SH3RF2: variants seen among roughly 807,000 people sequenced by gnomAD.
SH3RF2 encodes SH3 domain containing ring finger 2.
A neutral mutation model predicts 59.0 loss-of-function variants in SH3RF2; 43 were observed. That is an observed-to-expected ratio of 0.73 (90% CI 0.57 to 0.94). The LOEUF (loss-of-function observed/expected upper bound fraction) is 0.94, where lower values mean the gene tolerates loss of function less well. Ranked by LOEUF, SH3RF2 falls within the 40% of genes least tolerant of loss-of-function variation. SH3RF2 has a pLI of 0.00. For synonymous variants in SH3RF2, 391 were observed against 391.5 expected (o/e 1.00, Z 0.01); for missense variants, 930 against 940.1 (o/e 0.99, Z 0.14).
At chr5:146,058,401 G>A (rs1224301514) in intron 8 of SH3RF2, among the ~76,000 whole-genome samples, 4 of 152,046 alleles carry the variant, frequency 2.6e-5, no homozygotes, top group Non-Finnish European at 5.9e-5. Context: ...AACCCCACAG[G>A]GCCGTTAGTG....
intron 2 of SH3RF2, among the ~76,000 whole-genome samples, chr5:145,973,599 A>G (rs1356186247): frequency 1.3e-5 from 2 of 152,240 alleles, no homozygotes; most frequent in African/African-American, 2.4e-5. Flanking sequence ...CTATTATGCC[A>G]TAAAAATGAC....
intron 5 of SH3RF2, among the ~76,000 whole-genome samples, chr5:146,024,575 T>G (rs1037810653): frequency 6.6e-6 from 1 of 152,238 alleles, no homozygotes; most frequent in Non-Finnish European, 1.5e-5. Flanking sequence ...TCACATCTAC[T>G]CTTTCCTTTG....
intron 8 of SH3RF2, among the ~76,000 whole-genome samples, chr5:146,057,928 GTCTCTCTC>G (rs58826823): frequency 0.012 from 1,610 of 133,176 alleles, 19 homozygotes; most frequent in Non-Finnish European, 0.018. Context: ...GGCTGTTAGT[GTCTCTCTC>G]TCTCTCTCTC....
At chr5:146,064,784 G>GAAGGAAGGA (rs1763043422), downstream of SH3RF2, among the ~76,000 whole-genome samples, 1 of 37,654 alleles carries the variant, frequency 2.7e-5, no homozygotes, top group Admixed American at 2.7e-4. Context: ...GGAAAGGAAG[G>GAAGGAAGGA]AAGGAAGGAA....
intron 4 of SH3RF2, 33 bp downstream of exon 4, chr5:146,004,186 G>T (rs76930653): frequency 6.4e-7 from 1 of 1,552,662 alleles, no homozygotes; most frequent in Non-Finnish European, 8.9e-7. Context: ...TCTGATTTAC[G>T]CATACACAGA....
intron 2 of SH3RF2, among the ~76,000 whole-genome samples, chr5:145,993,508 T>A (rs1011367944): frequency 7.2e-5 from 11 of 152,232 alleles, no homozygotes; most frequent in Non-Finnish European, 1.5e-4. Flanking sequence ...TTTCCATACA[T>A]CTTCTGAAAT....
At chr5:145,944,762 C>G (rs1019647859) in intron 2 of SH3RF2, among the ~76,000 whole-genome samples, 2 of 152,174 alleles carry the variant, frequency 1.3e-5, no homozygotes, top group Admixed American at 6.5e-5. Flanking sequence ...CCTTTCTTCT[C>G]CCTTTTCTTG....
chr5:145,943,825 G>C (rs1465597072), intron 2 of SH3RF2, among the ~76,000 whole-genome samples: 1 of 152,158 alleles, frequency 6.6e-6, no homozygotes, highest in Non-Finnish European at 1.5e-5. Context: ...GGGGCATAAG[G>C]TTTTTCTTAC....
At chr5:146,048,169 G>T (rs1267456699) in intron 6 of SH3RF2, among the ~76,000 whole-genome samples, 1 of 152,078 alleles carries the variant, frequency 6.6e-6, no homozygotes, top group Non-Finnish European at 1.5e-5. Context: ...TTAAAAATTA[G>T]CCAGGAATGG....
chr5:145,971,559 T>C (rs1234019699), intron 2 of SH3RF2, among the ~76,000 whole-genome samples: 1 of 152,252 alleles, frequency 6.6e-6, no homozygotes, highest in Non-Finnish European at 1.5e-5. Context: ...AATACAGTGT[T>C]TATTCCTCAA....
chr5:145,971,196 T>C (rs192123938), intron 2 of SH3RF2, among the ~76,000 whole-genome samples: 207 of 152,338 alleles, frequency 1.4e-3, no homozygotes, highest in African/African-American at 4.6e-3. Context: ...CCGATGTCTG[T>C]TATATTTAAA....
intron 2 of SH3RF2, among the ~76,000 whole-genome samples, chr5:145,952,733 T>C (rs1758238788): frequency 6.6e-6 from 1 of 152,178 alleles, no homozygotes; most frequent in Admixed American, 6.5e-5. Context: ...TGAATGCTTA[T>C]AGATTATCTG....
rs751628879 is a variant in SH3RF2 at position 146,057,984 on chromosome 5, C to CTA, written c.1555+1783_1555+1784dup. Reference sequence around the variant, plus strand: ...TCTCTCTCTCTATCTATCTATCTATCTATATATATATATTTGATTTAAAAA... The same window carrying CTA: ...TCTCTCTCTCTATCTATCTATCTATCTATATATATATATATTTGATTTAAAAA... On this transcript the variant is annotated intron_variant, in intron 8 of 9. Transcript: ENST00000359120. 1.1e-3 allele frequency among the ~76,000 whole-genome samples: 159 copies of CTA among 145,818 alleles called. 2 individuals carry two copies. Among genetic ancestry groups the CTA allele is most frequent in the African/African-American group, 3.5e-3 (134 of 37,762 alleles).
intron 2 of SH3RF2, among the ~76,000 whole-genome samples, chr5:145,962,928 C>T (rs916193198): frequency 3.0e-5 from 4 of 134,840 alleles, no homozygotes; most frequent in Admixed American, 8.1e-5. Flanking sequence ...GACGGAGTCT[C>T]GCTCTGTCGC....
At chr5:145,984,168 C>T (rs956984201) in intron 2 of SH3RF2, among the ~76,000 whole-genome samples, 8 of 151,952 alleles carry the variant, frequency 5.3e-5, no homozygotes, top group Admixed American at 3.9e-4. Context: ...TTATTGTAGG[C>T]ACTCAGTACT....
intron 2 of SH3RF2, among the ~76,000 whole-genome samples, chr5:145,964,226 T>C: frequency 6.8e-6 from 1 of 147,954 alleles, no homozygotes; most frequent in East Asian, 1.9e-4. Flanking sequence ...CCTTCCTTCT[T>C]TCTTTTCTTT....
At chr5:146,055,292 T>C (rs569383802) in intron 7 of SH3RF2, among the ~76,000 whole-genome samples, 4 of 152,214 alleles carry the variant, frequency 2.6e-5, no homozygotes, top group South Asian at 2.1e-4. Context: ...AGTAGCTGCT[T>C]GGGCAACCAA....
At chr5:146,021,366 T>C (rs934238663) in intron 5 of SH3RF2, among the ~76,000 whole-genome samples, 7 of 152,172 alleles carry the variant, frequency 4.6e-5, no homozygotes, top group Non-Finnish European at 1.0e-4. Flanking sequence ...TTCTTTTATT[T>C]TACAATTTTC....
chr5:146,067,415 A>G (rs1763132641), downstream of SH3RF2, among the ~76,000 whole-genome samples: 1 of 152,184 alleles, frequency 6.6e-6, no homozygotes, highest in African/African-American at 2.4e-5. Flanking sequence ...CATTCCCTCC[A>G]GAGACTGTGC....
Sources: allele counts gnomAD v4.1 joint callset (sites outside exome capture counted in the v4.1 genomes callset), GRCh38; gene constraint gnomAD v4.1.1; transcripts MANE v1.5; gene names NCBI Gene and HGNC (gene_info 2026-07-23, HGNC 2026-07-21).